The following EDN1 variants were observed in gnomAD, a reference collection of about 807,000 sequenced individuals.
EDN1 encodes the protein endothelin 1, also known as endothelin-1.
A neutral mutation model predicts 21.7 loss-of-function variants in EDN1; 11 were observed. The ratio of observed to expected loss-of-function variants is 0.51; its 90% CI spans 0.32 to 0.84. The LOEUF (loss-of-function observed/expected upper bound fraction) is 0.84. EDN1 is among the 40% of genes least tolerant of loss of function. The pLI is 0.03. For missense variants in EDN1, 244 were observed against 262.3 expected, an observed-to-expected ratio of 0.93 and a Z score of 0.48; for synonymous variants, 85 against 90.6, an observed-to-expected ratio of 0.94 and a Z score of 0.35.
At chr6:12,248,318 A>C in the EDN1 span, among the ~76,000 whole-genome samples, 1 of 152,262 alleles carries the variant, frequency 6.6e-6, no homozygotes, top group Non-Finnish European at 1.5e-5. Flanking sequence ...TGAAACTTCT[A>C]GCTTCTAGCT....
At chr6:12,241,027 C>T in the EDN1 span, among the ~76,000 whole-genome samples, 1 of 152,108 alleles carries the variant, frequency 6.6e-6, no homozygotes, top group African/African-American at 2.4e-5. Flanking sequence ...GATGAGTGTG[C>T]AAATTTTTAT....
chr6:12,237,708 A>G, the EDN1 span, among the ~76,000 whole-genome samples: 1 of 152,090 alleles, frequency 6.6e-6, no homozygotes, highest in East Asian at 1.9e-4. Context: ...CTGTTGTCCT[A>G]TGGGATCCGA....
chr6:12,238,675 A>G, the EDN1 span, among the ~76,000 whole-genome samples: 1 of 152,178 alleles, frequency 6.6e-6, no homozygotes, highest in South Asian at 2.1e-4. Context: ...AGAGATGGAG[A>G]ATTCTTCCCT....
the EDN1 span, among the ~76,000 whole-genome samples, chr6:12,275,398 T>C: frequency 6.6e-6 from 1 of 152,212 alleles, no homozygotes; most frequent in African/African-American, 2.4e-5. Flanking sequence ...TGGTTACACA[T>C]ATTTCTTTTG....
chr6:12,250,775 A>G, the EDN1 span, among the ~76,000 whole-genome samples: 1 of 152,254 alleles, frequency 6.6e-6, no homozygotes. Context: ...CTTTCAAAAG[A>G]TATCCCTTTA....
upstream of EDN1, among the ~76,000 whole-genome samples, chr6:12,286,320 A>G (rs774298139): frequency 4.6e-5 from 7 of 152,250 alleles, no homozygotes; most frequent in Non-Finnish European, 1.0e-4. Context: ...TTCCTGTGCT[A>G]AATCAACCAT....
the EDN1 span, among the ~76,000 whole-genome samples, chr6:12,257,927 A>G: frequency 1.3e-5 from 2 of 152,184 alleles, no homozygotes; most frequent in Non-Finnish European, 2.9e-5. Context: ...TTTTTCAGAG[A>G]AAGTAGTTTG....
the EDN1 span, among the ~76,000 whole-genome samples, chr6:12,250,236 G>A: frequency 6.6e-6 from 1 of 151,710 alleles, no homozygotes; most frequent in South Asian, 2.1e-4. Flanking sequence ...TGTGGTTAAT[G>A]GCCTAAGTTA....
At chr6:12,283,859 C>G in the EDN1 span, among the ~76,000 whole-genome samples, 1 of 152,206 alleles carries the variant, frequency 6.6e-6, no homozygotes, top group Non-Finnish European at 1.5e-5. Context: ...ATGTGCTGTC[C>G]TTTGCCACAG....
chr6:12,261,783 C>T, the EDN1 span, among the ~76,000 whole-genome samples: 2 of 152,192 alleles, frequency 1.3e-5, no homozygotes, highest in Non-Finnish European at 2.9e-5. Flanking sequence ...TTCTGAGCTC[C>T]TTGGCAGCAG....
At chr6:12,285,566 G>A (rs1762549046), upstream of EDN1, among the ~76,000 whole-genome samples, 3 of 151,894 alleles carry the variant, frequency 2.0e-5, no homozygotes, top group Admixed American at 6.6e-5. Flanking sequence ...ATACATGTAC[G>A]AACATTTTTA....
the EDN1 span, among the ~76,000 whole-genome samples, chr6:12,263,996 GA>G: frequency 6.6e-6 from 1 of 152,128 alleles, no homozygotes; most frequent in Non-Finnish European, 1.5e-5. Context: ...TTTCCATTGA[GA>G]AAAAAATTTC....
At chr6:12,233,500 A>C in the EDN1 span, among the ~76,000 whole-genome samples, 3 of 152,224 alleles carry the variant, frequency 2.0e-5, no homozygotes, top group African/African-American at 7.2e-5. Context: ...TCTGTCAATA[A>C]TAACTGCAAA....
chr6:12,265,932 G>A, the EDN1 span, among the ~76,000 whole-genome samples: 1 of 152,168 alleles, frequency 6.6e-6, no homozygotes, highest in African/African-American at 2.4e-5. Flanking sequence ...TTAAGTTGAG[G>A]GAACCCTTCC....
the EDN1 span, among the ~76,000 whole-genome samples, chr6:12,284,747 G>GAAA: frequency 0.044 from 3,777 of 86,274 alleles, 56 homozygotes; most frequent in Middle Eastern, 0.067. Context: ...AAGGAAGGAA[G>GAAA]GAAGAAAGAA....
chr6:12,270,483 T>C, the EDN1 span, among the ~76,000 whole-genome samples: 1 of 152,144 alleles, frequency 6.6e-6, no homozygotes, highest in African/African-American at 2.4e-5. Flanking sequence ...TATTTCCATT[T>C]TCATTTGTAT....
the EDN1 span, among the ~76,000 whole-genome samples, chr6:12,273,132 A>G: frequency 2.0e-5 from 3 of 151,888 alleles, no homozygotes; most frequent in South Asian, 6.2e-4. Flanking sequence ...CAGAGGAGGG[A>G]CCTCTTGCCC....
At chr6:12,275,136 C>T in the EDN1 span, among the ~76,000 whole-genome samples, 1 of 152,130 alleles carries the variant, frequency 6.6e-6, no homozygotes, top group South Asian at 2.1e-4. Context: ...ACTTCTAACC[C>T]AAGAGCACTT....
At chr6:12,255,109 A>G in the EDN1 span, among the ~76,000 whole-genome samples, 1 of 152,260 alleles carries the variant, frequency 6.6e-6, no homozygotes, top group Non-Finnish European at 1.5e-5. Context: ...AATTCATTTT[A>G]TGAAGATGAA....
Sources: allele counts gnomAD v4.1 joint callset (sites outside exome capture counted in the v4.1 genomes callset), GRCh38; gene constraint gnomAD v4.1.1; transcripts MANE v1.5; gene names NCBI Gene and HGNC (gene_info 2026-07-23, HGNC 2026-07-21).